ATP6V1H: variants seen among roughly 807,000 people sequenced by gnomAD.
ATP6V1H encodes ATPase H+ transporting V1 subunit H, also known as V-type proton ATPase subunit H.
A neutral mutation model predicts 71.7 loss-of-function variants in ATP6V1H; 39 were observed. That is an observed-to-expected ratio of 0.54 (90% CI 0.42 to 0.71). The LOEUF is 0.71. Among genes scored for constraint, ATP6V1H ranks in the 30% least tolerant of loss-of-function variants. The pLI is 0.00. For synonymous variants in ATP6V1H, 192 were observed against 199.3 expected, an observed-to-expected ratio of 0.96 and a Z score of 0.31; for missense variants, 509 against 594.9, an observed-to-expected ratio of 0.86 and a Z score of 1.50.
chr8:53,754,216 G>C (rs1563450150), intron 12 of ATP6V1H, among the ~76,000 whole-genome samples: 1 of 152,062 alleles, frequency 6.6e-6, no homozygotes, highest in South Asian at 2.1e-4. Context: ...GAGTGCAAAA[G>C]GCTTATTGGG....
At chr8:53,816,195 T>C (rs779664517) in intron 5 of ATP6V1H, among the ~76,000 whole-genome samples, 8 of 152,236 alleles carry the variant, frequency 5.3e-5, no homozygotes, top group Non-Finnish European at 7.3e-5. Flanking sequence ...GAATACAATA[T>C]ATAACTATAC....
intron 11 of ATP6V1H, among the ~76,000 whole-genome samples, chr8:53,764,537 A>C: frequency 6.6e-6 from 1 of 151,244 alleles, no homozygotes; most frequent in Non-Finnish European, 1.5e-5. Context: ...TATCAGATAA[A>C]GATGATGTGC....
intron 13 of ATP6V1H, among the ~76,000 whole-genome samples, chr8:53,731,889 C>T (rs146956906): frequency 6.6e-6 from 1 of 152,372 alleles, no homozygotes; most frequent in African/African-American, 2.4e-5. Flanking sequence ...CCGGGGTAGG[C>T]ATTTGTCCTG....
At chr8:53,769,843 A>G in intron 10 of ATP6V1H, 100 bp from the exon 11 acceptor site, 3 of 1,037,200 alleles carry the variant, frequency 2.9e-6, no homozygotes, top group South Asian at 3.6e-5. Context: ...AATTACAAAG[A>G]CTGACCATCC....
intron 13 of ATP6V1H, chr8:53,739,535 G>A (rs1476773131): frequency 2.0e-5 from 3 of 152,160 alleles, no homozygotes; most frequent in East Asian, 1.9e-4. Context: ...AAAATTCTAC[G>A]TGAGATCCTC....
intron 9 of ATP6V1H, 74 bp from the exon 10 acceptor site, chr8:53,772,241 T>C: frequency 2.6e-6 from 3 of 1,158,908 alleles, no homozygotes; most frequent in Non-Finnish European, 1.2e-6. Context: ...CTGCACATTC[T>C]TTTATAGTCT....
intron 13 of ATP6V1H, among the ~76,000 whole-genome samples, chr8:53,720,271 C>A (rs1806569086): frequency 6.6e-6 from 1 of 151,996 alleles, no homozygotes; most frequent in South Asian, 2.1e-4. Context: ...ATCTCTGAAA[C>A]TGAAAAAAGG....
chr8:53,823,428 G>C (rs895556883), intron 4 of ATP6V1H, among the ~76,000 whole-genome samples: 1 of 152,068 alleles, frequency 6.6e-6, no homozygotes, highest in Non-Finnish European at 1.5e-5. Context: ...CAGAGCTGAA[G>C]GATATACTTT....
chr8:53,833,131 T>A, intron 2 of ATP6V1H, 45 bp from the exon 3 acceptor site: 1 of 1,493,668 alleles, frequency 6.7e-7, no homozygotes, highest in East Asian at 2.3e-5. Context: ...GAGTTGAATA[T>A]GTAAGCAAGC....
chr8:53,721,584 C>T (rs1206255193), intron 13 of ATP6V1H, among the ~76,000 whole-genome samples: 1 of 152,124 alleles, frequency 6.6e-6, no homozygotes, highest in East Asian at 1.9e-4. Flanking sequence ...ATACGTAACT[C>T]GAGTTTAGCA....
chr8:53,775,787 C>T (rs1190238963), intron 9 of ATP6V1H, among the ~76,000 whole-genome samples: 2 of 152,252 alleles, frequency 1.3e-5, no homozygotes, highest in East Asian at 1.9e-4. Context: ...CTAAGCTAGA[C>T]ATAAAGACTC....
chr8:53,732,957 G>A (rs779810566), intron 13 of ATP6V1H, among the ~76,000 whole-genome samples: 8 of 152,124 alleles, frequency 5.3e-5, no homozygotes, highest in Non-Finnish European at 1.0e-4. Flanking sequence ...AAATCTGGCC[G>A]TGCTCGAGCT....
At chr8:53,759,439 T>C (rs963542026) in intron 11 of ATP6V1H, among the ~76,000 whole-genome samples, 11 of 152,196 alleles carry the variant, frequency 7.2e-5, no homozygotes, top group South Asian at 4.1e-4. Context: ...AAGTCAACAA[T>C]AGATTCATCA....
chr8:53,765,841 A>G (rs555646164), intron 11 of ATP6V1H, among the ~76,000 whole-genome samples: 1 of 152,350 alleles, frequency 6.6e-6, no homozygotes, highest in South Asian at 2.1e-4. Context: ...CCAGCACAAT[A>G]TTAAAGAACA....
At chr8:53,792,533 T>G (rs73680307) in intron 9 of ATP6V1H, among the ~76,000 whole-genome samples, 7,505 of 152,232 alleles carry the variant, frequency 0.049, 547 homozygotes, top group African/African-American at 0.16. Flanking sequence ...CCCCTGATAT[T>G]AGCTTTGGTT....
chr8:53,839,833 C>A (rs1811286933), intron 2 of ATP6V1H: 3 of 985,356 alleles, frequency 3.0e-6, no homozygotes, highest in Non-Finnish European at 3.6e-6. Flanking sequence ...ATGGGCTTCA[C>A]AGCTTAAAAA....
At chr8:53,816,411 T>C (rs1052899505) in intron 5 of ATP6V1H, among the ~76,000 whole-genome samples, 5 of 152,210 alleles carry the variant, frequency 3.3e-5, no homozygotes, top group Non-Finnish European at 5.9e-5. Context: ...TAGAGAAGTC[T>C]TGTTTGTACA....
At chr8:53,724,714 T>C (rs1806749237) in intron 13 of ATP6V1H, among the ~76,000 whole-genome samples, 1 of 151,852 alleles carries the variant, frequency 6.6e-6, no homozygotes, top group African/African-American at 2.4e-5. Context: ...AGCCCACCCC[T>C]GGATGTAAGA....
chr8:53,839,915 T>C, intron 2 of ATP6V1H: 1 of 985,634 alleles, frequency 1.0e-6, no homozygotes, highest in Non-Finnish European at 1.2e-6. Context: ...ACACAGCATC[T>C]TCACGATCGG....
Sources: gnomAD v4.1 joint callset for allele counts (sites outside exome capture counted in the v4.1 genomes callset) on GRCh38, gnomAD v4.1.1 for gene constraint, MANE v1.5 for transcripts, NCBI Gene and HGNC (gene_info 2026-07-23, HGNC 2026-07-21) for gene names.